The following TLN2 variants were observed in gnomAD, a reference collection of about 807,000 sequenced individuals.
The protein encoded by TLN2 is talin 2, also known as talin-2.
Under a neutral mutation model 294.7 loss-of-function variants are expected in TLN2, and 118 were observed. The ratio of observed to expected loss-of-function variants is 0.40; its 90% confidence interval spans 0.34 to 0.47. The LOEUF is 0.47. Among genes scored for constraint, TLN2 ranks in the 20% least tolerant of loss-of-function variants. The pLI, the probability that TLN2 is intolerant of heterozygous loss-of-function variation, is 0.84. For synonymous variants in TLN2, 1,431 were observed against 1,304.5 expected, an observed-to-expected ratio of 1.10 and a Z score of -2.09; for missense variants, 3,083 against 3,282.2, an observed-to-expected ratio of 0.94 and a Z score of 1.48.
intron 57 of TLN2, among the ~76,000 whole-genome samples, chr15:62,837,124 T>C (rs1434650073): frequency 6.6e-6 from 1 of 152,240 alleles, no homozygotes; most frequent in Non-Finnish European, 1.5e-5. Context: ...ATGTAGCAAA[T>C]CATAAATGGC....
At chr15:62,715,910 C>T (rs1056470409) in intron 22 of TLN2, among the ~76,000 whole-genome samples, 2 of 152,188 alleles carry the variant, frequency 1.3e-5, no homozygotes, top group Non-Finnish European at 2.9e-5. Context: ...CTTACCCCTT[C>T]ACATTTACCT....
intron 1 of TLN2, among the ~76,000 whole-genome samples, chr15:62,572,380 ACAGCTGTGTGCCAC>A: frequency 6.6e-6 from 1 of 152,194 alleles, no homozygotes; most frequent in South Asian, 2.1e-4. Flanking sequence ...AGCTGGGACT[ACAGCTGTGTGCCAC>A]CACACCCAGC....
chr15:62,795,240 G>A (rs149184251), intron 46 of TLN2, among the ~76,000 whole-genome samples: 1 of 152,136 alleles, frequency 6.6e-6, no homozygotes, highest in Non-Finnish European at 1.5e-5. Context: ...GGCAGGAGTC[G>A]TTGCAGGCAG....
rs1178571369 is a variant in TLN2 at position 62,673,568 on chromosome 15, T to C, written c.789-259T>C. Reference sequence around the variant, plus strand: ...GCATACTATATACTCTTGTGCTCTTTTTTTTTTTTTTCACTTTACAATAGA... The same window carrying C: ...GCATACTATATACTCTTGTGCTCTTCTTTTTTTTTTTCACTTTACAATAGA... On this transcript the variant is annotated intron_variant, in intron 9 of 58. Transcript: ENST00000636159. 4.1e-3 allele frequency among the ~76,000 whole-genome samples: 7 copies of C among 1,688 alleles called. No homozygotes were observed. The East Asian group carries it at 0.21, about 50-fold the overall frequency. 1.1% of individuals were successfully genotyped at this position (1,688 alleles called of 152,430 possible).
At chr15:62,427,600 C>T (rs867111881) in intron 1 of TLN2, among the ~76,000 whole-genome samples, 2 of 152,016 alleles carry the variant, frequency 1.3e-5, no homozygotes, top group Non-Finnish European at 2.9e-5. Flanking sequence ...GGCACTCCCA[C>T]CCCTCCCCTT....
intron 2 of TLN2, among the ~76,000 whole-genome samples, chr15:62,615,245 T>C (rs959991860): frequency 1.3e-5 from 2 of 152,264 alleles, no homozygotes; most frequent in Middle Eastern, 3.2e-3. Flanking sequence ...GCAGTAATTT[T>C]CTTTTTTAGC....
intron 1 of TLN2, among the ~76,000 whole-genome samples, chr15:62,451,685 A>G (rs983423132): frequency 6.6e-6 from 1 of 152,124 alleles, no homozygotes; most frequent in Non-Finnish European, 1.5e-5. Flanking sequence ...TGGCTCCACA[A>G]CCCTGATTAC....
chr15:62,600,045 T>G (rs564188623), intron 2 of TLN2, among the ~76,000 whole-genome samples: 1 of 152,280 alleles, frequency 6.6e-6, no homozygotes, highest in East Asian at 1.9e-4. Flanking sequence ...GAGGGGATAT[T>G]GCTAGAGCGG....
intron 1 of TLN2, among the ~76,000 whole-genome samples, chr15:62,500,842 A>G (rs183727706): frequency 6.3e-4 from 96 of 152,336 alleles, no homozygotes; most frequent in Non-Finnish European, 1.2e-3. Context: ...TTAAAGACGC[A>G]GAAGAAAGAT....
chr15:62,490,336 C>G (rs910097049), intron 1 of TLN2, among the ~76,000 whole-genome samples: 2 of 152,086 alleles, frequency 1.3e-5, no homozygotes, highest in African/African-American at 2.4e-5. Flanking sequence ...GTTGTTAATG[C>G]TTGAACTTAC....
intron 27 of TLN2, among the ~76,000 whole-genome samples, chr15:62,726,664 C>A (rs764074899): frequency 2.0e-5 from 3 of 152,212 alleles, no homozygotes; most frequent in African/African-American, 4.8e-5. Context: ...TGTCTGCCCA[C>A]TTCCTGCCCA....
intron 29 of TLN2, among the ~76,000 whole-genome samples, chr15:62,737,315 G>T (rs2061079081): frequency 6.6e-6 from 1 of 152,202 alleles, no homozygotes; most frequent in Non-Finnish European, 1.5e-5. Context: ...AGTCAGCAGA[G>T]GGCATGGGGG....
intron 34 of TLN2, 44 bp downstream of exon 34, chr15:62,750,535 C>A: frequency 6.5e-7 from 1 of 1,544,884 alleles, no homozygotes; most frequent in Non-Finnish European, 9.0e-7. Context: ...CATTGCTTGT[C>A]AATGTGGGGA....
intron 39 of TLN2, chr15:62,763,210 CTTTTTTTTTTTTCTTTT>C (rs1401760829): frequency 7.0e-6 from 1 of 143,714 alleles, no homozygotes; most frequent in African/African-American, 2.7e-5. Flanking sequence ...CAGTGCTGAC[CTTTTTTTTTTTTCTTTT>C]TTTTTTTTTT....
chr15:62,617,035 A>G (rs2048367491), intron 2 of TLN2, among the ~76,000 whole-genome samples: 1 of 152,116 alleles, frequency 6.6e-6, no homozygotes, highest in African/African-American at 2.4e-5. Context: ...AGAGACTGCC[A>G]TGCAATGCAC....
Position 62,650,443 on chromosome 15 carries a change from T to A in TLN2, c.234+262T>A, listed in dbSNP as rs76775200. On this transcript the variant is annotated intron_variant, in intron 5 of 58. Transcript: ENST00000636159. ...GTTGTTGGATTTGGTAATTGTGAGATAAGATACAGCATCTTACTGTAAGTA... is the reference window on the plus strand; with the variant it reads ...GTTGTTGGATTTGGTAATTGTGAGAAAAGATACAGCATCTTACTGTAAGTA... Among the ~76,000 whole-genome samples, 252 of 152,282 alleles carry A rather than the reference T, an allele frequency of 1.7e-3. 1 individual carries two copies. The highest frequency in any genetic ancestry group is 4.7e-3 in the African/African-American group (196 of 41,550).
At chr15:62,710,698 C>G (rs996210662) in intron 21 of TLN2, among the ~76,000 whole-genome samples, 1 of 138,978 alleles carries the variant, frequency 7.2e-6, no homozygotes, top group Non-Finnish European at 1.6e-5. Flanking sequence ...TTTCAGATTT[C>G]ATCAGTTTTT....
At chr15:62,835,501 T>G in intron 55 of TLN2, 1 of 580,958 alleles carries the variant, frequency 1.7e-6, no homozygotes, top group Non-Finnish European at 3.1e-6. Context: ...GTGGAGCCAT[T>G]CTTAGCATTT....
chr15:62,703,430 A>G (rs1447310812), intron 19 of TLN2, among the ~76,000 whole-genome samples: 1 of 151,958 alleles, frequency 6.6e-6, no homozygotes, highest in Non-Finnish European at 1.5e-5. Context: ...TGTGCTGGAC[A>G]TTCTTTAATC....
Sources: allele counts gnomAD v4.1 joint callset (sites outside exome capture counted in the v4.1 genomes callset), GRCh38; gene constraint gnomAD v4.1.1; transcripts MANE v1.5; gene names NCBI Gene and HGNC (gene_info 2026-07-23, HGNC 2026-07-21).